UNC5A: variants seen among roughly 807,000 people sequenced by gnomAD.
The protein encoded by UNC5A is netrin receptor UNC5A.
Under a neutral mutation model 87.4 loss-of-function variants are expected in UNC5A, and 20 were observed. The observed-to-expected ratio is 0.23, with a 90% CI of 0.16 to 0.33. The LOEUF (loss-of-function observed/expected upper bound fraction) is 0.33. Ranked by LOEUF, UNC5A falls within the 10% of genes least tolerant of loss-of-function variation. UNC5A has a pLI of 1.00. For missense variants in UNC5A, 844 were observed against 1,133.4 expected, an observed-to-expected ratio of 0.74 and a Z score of 3.67; for synonymous variants, 438 against 482.3, an observed-to-expected ratio of 0.91 and a Z score of 1.20.
intron 1 of UNC5A, among the ~76,000 whole-genome samples, chr5:176,821,781 G>A (rs576617870): frequency 6.6e-5 from 10 of 152,318 alleles, no homozygotes; most frequent in African/African-American, 1.9e-4. Flanking sequence ...TGAAGTGACC[G>A]CAGGCAGGGA....
chr5:176,861,468 G>A (rs957826537), intron 1 of UNC5A, among the ~76,000 whole-genome samples: 12 of 152,186 alleles, frequency 7.9e-5, no homozygotes, highest in African/African-American at 2.7e-4. Flanking sequence ...GGTGAAGGGC[G>A]GACTCCCACC....
At chr5:176,867,131 G>A (rs564320006) in intron 2 of UNC5A, among the ~76,000 whole-genome samples, 2 of 152,170 alleles carry the variant, frequency 1.3e-5, no homozygotes, top group Non-Finnish European at 2.9e-5. Context: ...ATTGGCTGCC[G>A]GCCTCTCTCT....
At chr5:176,829,416 A>AATGGATGGATGGATGG (rs770947463) in intron 1 of UNC5A, among the ~76,000 whole-genome samples, 4 of 75,960 alleles carry the variant, frequency 5.3e-5, no homozygotes, top group African/African-American at 2.0e-4. Flanking sequence ...ATGAAAGATG[A>AATGGATGGATGGATGG]ATGGATGGAT....
intron 1 of UNC5A, among the ~76,000 whole-genome samples, chr5:176,851,940 C>T (rs1012644793): frequency 1.3e-5 from 2 of 152,232 alleles, no homozygotes; most frequent in Admixed American, 6.5e-5. Flanking sequence ...TCTGCCCCGG[C>T]TCTGCCATGG....
At chr5:176,831,945 G>A (rs552025980) in intron 1 of UNC5A, among the ~76,000 whole-genome samples, 51 of 143,362 alleles carry the variant, frequency 3.6e-4, no homozygotes, top group Admixed American at 1.4e-3. Flanking sequence ...TGCCCAGGCT[G>A]GAGTGCTGTG....
In UNC5A at chr5:176,814,048, C is replaced by T. The variant is rs938777020; in HGVS notation, c.70+3228C>T. On this transcript the variant is annotated intron_variant, in intron 1 of 14. Coordinates refer to ENST00000329542, the MANE Select transcript of UNC5A (RefSeq NM_133369.3). Reference sequence around the variant, plus strand: ...CTCACGCTTCACATCTAATATGTCACCAAGTCCTCCAGCTCGGGCCTACTT... The same window carrying T: ...CTCACGCTTCACATCTAATATGTCATCAAGTCCTCCAGCTCGGGCCTACTT... Among the ~76,000 whole-genome samples, 3 of 152,196 alleles carry T rather than the reference C, an allele frequency of 2.0e-5. 1 individual carries two copies. The highest frequency in any genetic ancestry group is 2.9e-5 in the Non-Finnish European group (2 of 68,026).
In UNC5A at chr5:176,865,580, T is replaced by G. The variant is rs1454949594; in HGVS notation, c.293-2550T>G. On this transcript the variant is annotated intron_variant, in intron 2 of 14. Coordinates refer to ENST00000329542, the MANE Select transcript of UNC5A (RefSeq NM_133369.3). The surrounding 1 kb of genome is among the most constrained non-coding windows in gnomAD (Gnocchi z 5.3). Reference sequence around the variant, plus strand: ...CGGAACATCTGAACGTTCATTGATCTCATCGATTTCTCAACCCAAAGCCAT... The same window carrying G: ...CGGAACATCTGAACGTTCATTGATCGCATCGATTTCTCAACCCAAAGCCAT... 20 of 456,806 alleles carry G rather than the reference T, an allele frequency of 4.4e-5. No homozygotes were observed. Among genetic ancestry groups the G allele is most frequent in the Non-Finnish European group, 8.8e-5 (20 of 227,040 alleles). 28.3% of individuals were successfully genotyped at this position (456,806 alleles called of 1,614,324 possible).
Position 176,862,653 on chromosome 5 carries a change from C to G in UNC5A, c.100C>G (p.Pro34Ala). 6.2e-7 allele frequency: 1 copy of G among 1,613,584 alleles called. No individual in the cohort carries two copies. The highest frequency in any genetic ancestry group is 8.5e-7 in the Non-Finnish European group (1 of 1,179,974). Residue 34 changes from proline (P) to alanine (A), a missense_variant, in exon 2 of 15, where the codon CCA (proline) becomes GCA (alanine). Physicochemically the swap from Pro to Ala is conservative, Grantham distance 27 (BLOSUM62 -1). This residue lies in a region of UNC5A where 314 missense variants were observed against 466.5 expected (regional missense o/e 0.67). Coordinates refer to ENST00000329542, the MANE Select transcript of UNC5A (RefSeq NM_133369.3). Reference sequence around the variant, plus strand: ...CCAGCAGAGTGCCACCGTGGCCAACCCAGTGCCTGGTGCCAACCCGGACCT... The same window carrying G: ...CCAGCAGAGTGCCACCGTGGCCAACGCAGTGCCTGGTGCCAACCCGGACCT... ...GAQQSATVAN[P>A]VPGANPDLLP...
Position 176,831,885 on chromosome 5 carries a change from C to CTTTTTTTTTTT in UNC5A, c.70+21084_70+21094dup, listed in dbSNP as rs10580672. ...TCACTTTCACACACTTTCTCTCTCT[C>CTTTTTTTTTTT]TTTTTTTTTTTTTTTTTTTTTTTTT... On this transcript the variant is annotated intron_variant, in intron 1 of 14. Transcript: ENST00000329542. Among the ~76,000 whole-genome samples the CTTTTTTTTTTT allele has an allele frequency of 2.9e-4, 8 of 27,664 alleles. 1 individual carries two copies. The highest frequency in any genetic ancestry group is 4.8e-4 in the African/African-American group (8 of 16,514). 18.1% of individuals were successfully genotyped at this position (27,664 alleles called of 152,430 possible). A position where few individuals can be genotyped will look rare whatever the true frequency, so the allele number is the denominator to read the frequency against.
intron 1 of UNC5A, among the ~76,000 whole-genome samples, chr5:176,840,138 T>C (rs1757240828): frequency 6.6e-6 from 1 of 152,202 alleles, no homozygotes; most frequent in Non-Finnish European, 1.5e-5. Flanking sequence ...ATTACAGGCG[T>C]GAGCCACCGC....
intron 1 of UNC5A, among the ~76,000 whole-genome samples, chr5:176,839,273 G>A (rs969486136): frequency 5.3e-5 from 8 of 152,242 alleles, no homozygotes; most frequent in African/African-American, 1.7e-4. Context: ...GATTAGCTGG[G>A]AGCAGGTAGG....
intron 1 of UNC5A, among the ~76,000 whole-genome samples, chr5:176,816,240 C>G (rs1431743189): frequency 6.6e-6 from 1 of 152,270 alleles, no homozygotes; most frequent in Non-Finnish European, 1.5e-5. Flanking sequence ...CAGGGGCTGC[C>G]TGCATCGCTG....
rs1758217295 is a variant in UNC5A, at chr5:176,874,623, G to A, written c.1378+57G>A. The stretch of plus-strand genomic sequence containing the variant: ...CCACTTCCCTCCTGGAGGAGGACGG[G>A]ACAGCCGGACGTTCCTCTCGTGCCC... On this transcript the variant is annotated intron_variant, in intron 8 of 14. Coordinates refer to ENST00000329542, the MANE Select transcript of UNC5A (RefSeq NM_133369.3). The surrounding 1 kb of genome is among the most constrained non-coding windows in gnomAD (Gnocchi z 7.6). 1 of 1,480,200 alleles carries A rather than the reference G, an allele frequency of 6.8e-7. No homozygotes were observed. The highest frequency in any genetic ancestry group is 9.0e-7 in the Non-Finnish European group (1 of 1,111,578). 91.7% of individuals were successfully genotyped at this position (1,480,200 alleles called of 1,614,324 possible).
chr5:176,840,180 T>C (rs1276335037), intron 1 of UNC5A, among the ~76,000 whole-genome samples: 2 of 152,192 alleles, frequency 1.3e-5, no homozygotes, highest in East Asian at 3.9e-4. Flanking sequence ...GTGAACCTTC[T>C]TCACGCCTTG....
At chr5:176,867,669 T>A (rs1311775230) in intron 2 of UNC5A, among the ~76,000 whole-genome samples, 2 of 152,164 alleles carry the variant, frequency 1.3e-5, no homozygotes, top group African/African-American at 4.8e-5. Flanking sequence ...CACGTCAGGA[T>A]CTATCTGCTA....
rs915473721 is a variant in UNC5A at position 176,880,047 on chromosome 5, G to A, written c.*161G>A. 1.5e-5 allele frequency: 15 copies of A among 969,120 alleles called. No individual in the cohort carries two copies. The highest frequency in any genetic ancestry group is 3.4e-4 in the Middle Eastern group (1 of 2,928). The allele number at this position is 969,120 out of a possible 1,614,324, so 60.0% of individuals were successfully genotyped here. On this transcript the variant is annotated 3_prime_UTR_variant, in exon 15 of 15. Transcript: ENST00000329542. ...AATGCTGGTCCTTCAGACCCTGCCC[G>A]AACTCCCACCTCTCCATGGCCTGCC...
chr5:176,846,930 G>A (rs973717719), intron 1 of UNC5A, among the ~76,000 whole-genome samples: 20 of 152,176 alleles, frequency 1.3e-4, no homozygotes, highest in African/African-American at 4.8e-4. Flanking sequence ...CTCAGCAGGG[G>A]CGGACGTGCT....
chr5:176,878,778 AC>A (rs200183014), intron 13 of UNC5A, 139 bp downstream of exon 13: 13,602 of 1,151,628 alleles, frequency 0.012, 109 homozygotes, highest in Non-Finnish European at 0.014. Flanking sequence ...CCTCCTAGAA[AC>A]CCCTTGGCAG....
At chr5:176,837,879 C>T (rs1168505368) in intron 1 of UNC5A, among the ~76,000 whole-genome samples, 8 of 152,172 alleles carry the variant, frequency 5.3e-5, no homozygotes, top group Non-Finnish European at 1.2e-4. Flanking sequence ...TGTCCCTCTG[C>T]GGACTCGGCT....
Sources: gnomAD v4.1 joint callset for allele counts (sites outside exome capture counted in the v4.1 genomes callset) on GRCh38, gnomAD v4.1.1 for gene constraint, gnomAD v4.1.1 regional missense constraint, Gnocchi (gnomAD v3.1) non-coding constraint, MANE v1.5 for transcripts, NCBI Gene and HGNC (gene_info 2026-07-23, HGNC 2026-07-21) for gene names.